PACRG: variants seen among roughly 807,000 people sequenced by gnomAD.
PACRG encodes the protein parkin coregulated.
Under a neutral mutation model 29.7 loss-of-function variants are expected in PACRG, and 29 were observed. That is an observed-to-expected ratio of 0.98 (90% CI 0.73 to 1.33). The LOEUF (loss-of-function observed/expected upper bound fraction) is 1.33, where lower values mean the gene tolerates loss of function less well. PACRG is among the 40% of genes most tolerant of loss of function. The pLI, the probability that PACRG is intolerant of heterozygous loss-of-function variation, is 0.00. For synonymous variants in PACRG, 116 were observed against 118.7 expected (o/e 0.98, Z 0.15); for missense variants, 279 against 316.2 (o/e 0.88, Z 0.89).
At chr6:163,230,491 CT>C (rs1781979438) in intron 4 of PACRG, among the ~76,000 whole-genome samples, 1 of 151,932 alleles carries the variant, frequency 6.6e-6, no homozygotes, top group Non-Finnish European at 1.5e-5. Flanking sequence ...AGAAAATAAA[CT>C]AGTTATCTGG....
intron 4 of PACRG, among the ~76,000 whole-genome samples, chr6:163,099,691 C>T (rs372626662): frequency 8.5e-5 from 13 of 152,270 alleles, no homozygotes; most frequent in African/African-American, 3.1e-4. Flanking sequence ...GTAAGAATGT[C>T]ACCAAGTGTA....
intron 4 of PACRG, among the ~76,000 whole-genome samples, chr6:163,260,389 T>C (rs554439385): frequency 6.6e-6 from 1 of 152,348 alleles, no homozygotes; most frequent in Admixed American, 6.5e-5. Context: ...GGCCAGTTAG[T>C]CTCCCACTCT....
intron 4 of PACRG, among the ~76,000 whole-genome samples, chr6:163,277,509 A>ACACG: frequency 6.8e-6 from 1 of 147,420 alleles, no homozygotes; most frequent in African/African-American, 2.5e-5. Flanking sequence ...ACATACACAC[A>ACACG]CACACACATA....
chr6:163,290,204 C>A (rs1784540446), intron 4 of PACRG, among the ~76,000 whole-genome samples: 1 of 151,962 alleles, frequency 6.6e-6, no homozygotes, highest in Non-Finnish European at 1.5e-5. Context: ...GAAGTCACGG[C>A]CAATCCCCAC....
intron 4 of PACRG, among the ~76,000 whole-genome samples, chr6:163,118,254 G>A (rs1298278306): frequency 6.6e-6 from 1 of 152,136 alleles, no homozygotes; most frequent in East Asian, 1.9e-4. Context: ...CGGATGAACG[G>A]GTTTATGAAT....
At chr6:163,279,073 T>A (rs1042565980) in intron 4 of PACRG, among the ~76,000 whole-genome samples, 24 of 152,204 alleles carry the variant, frequency 1.6e-4, no homozygotes, top group Non-Finnish European at 3.4e-4. Context: ...TATTCCTAAG[T>A]ATTTAGTTTT....
At chr6:162,807,371 T>C (rs1052252167) in intron 1 of PACRG, among the ~76,000 whole-genome samples, 2 of 152,212 alleles carry the variant, frequency 1.3e-5, no homozygotes, top group African/African-American at 4.8e-5. Context: ...GTGTCCAATA[T>C]GCCTTCTTCA....
Position 163,314,876 on chromosome 6 carries a change from TG to T in PACRG, c.667del (p.Asp223ThrfsTer2), listed in dbSNP as rs1305229617. 2.0e-5 allele frequency: 32 copies of T among 1,614,096 alleles called. No individual in the cohort carries two copies. Among genetic ancestry groups the T allele is most frequent in the Non-Finnish European group, 2.6e-5 (31 of 1,180,014 alleles). On this transcript the variant is annotated frameshift_variant, in exon 5 of 5. Coordinates refer to ENST00000366888, the MANE Select transcript of PACRG (RefSeq NM_001080379.2). LOFTEE classifies it high-confidence loss of function. Reference sequence around the variant, plus strand: ...ACAGCCAGCAGAAGAGGGAGAACATTGGGGACTTGATCCAGGAGACACTGGA... The same window carrying T: ...ACAGCCAGCAGAAGAGGGAGAACATTGGGACTTGATCCAGGAGACACTGGA... ...DYSQQKRENI[G>X]DLIQETLEAF...
chr6:162,834,678 A>G (rs1789071444), intron 2 of PACRG, among the ~76,000 whole-genome samples: 1 of 151,866 alleles, frequency 6.6e-6, no homozygotes, highest in South Asian at 2.1e-4. Flanking sequence ...GCATTTTGCC[A>G]AAAATACTCC....
intron 4 of PACRG, among the ~76,000 whole-genome samples, chr6:163,305,087 G>A (rs533470471): frequency 3.1e-4 from 47 of 152,310 alleles, no homozygotes; most frequent in African/African-American, 9.1e-4. Flanking sequence ...TTCATCTTCC[G>A]AGCCCACACT....
At chr6:162,927,730 C>T (rs1797549969) in intron 2 of PACRG, among the ~76,000 whole-genome samples, 1 of 152,018 alleles carries the variant, frequency 6.6e-6, no homozygotes, top group African/African-American at 2.4e-5. Context: ...CAGCAAACCA[C>T]CATGGAGCAT....
At chr6:162,958,884 TAGAGAG>T (rs200270873) in intron 2 of PACRG, among the ~76,000 whole-genome samples, 210 of 20,852 alleles carry the variant, frequency 0.01, no homozygotes, top group Non-Finnish European at 0.014. Flanking sequence ...TATATATATA[TAGAGAG>T]AGAGAGAGAG....
chr6:163,282,268 A>G (rs2128184124), intron 4 of PACRG, among the ~76,000 whole-genome samples: 2 of 152,334 alleles, frequency 1.3e-5, no homozygotes, highest in African/African-American at 4.8e-5. Context: ...CCCACCAAGT[A>G]ATTAGCAGGT....
intron 2 of PACRG, among the ~76,000 whole-genome samples, chr6:162,846,777 G>A (rs1268562070): frequency 1.3e-5 from 2 of 152,154 alleles, no homozygotes; most frequent in Non-Finnish European, 2.9e-5. Flanking sequence ...GGCAATTCCT[G>A]TAGTGCTTCA....
At chr6:162,953,893 A>G (rs187944987) in intron 2 of PACRG, among the ~76,000 whole-genome samples, 60 of 152,342 alleles carry the variant, frequency 3.9e-4, no homozygotes, top group African/African-American at 1.3e-3. Flanking sequence ...GAAAAATACT[A>G]TATGAACTTA....
chr6:162,960,093 A>G (rs1387851551), intron 2 of PACRG, among the ~76,000 whole-genome samples: 2 of 152,164 alleles, frequency 1.3e-5, no homozygotes, highest in Non-Finnish European at 2.9e-5. Flanking sequence ...GTTATTAAAA[A>G]CTCAAAAAAC....
At chr6:163,223,581 G>C (rs958598684) in intron 4 of PACRG, among the ~76,000 whole-genome samples, 6 of 152,138 alleles carry the variant, frequency 3.9e-5, no homozygotes, top group African/African-American at 1.4e-4. Context: ...CGACTCGACT[G>C]TAATGCACAG....
At chr6:162,891,574 C>T (rs1794762740) in intron 2 of PACRG, among the ~76,000 whole-genome samples, 1 of 152,170 alleles carries the variant, frequency 6.6e-6, no homozygotes, top group Non-Finnish European at 1.5e-5. Flanking sequence ...GTGGGCAGAA[C>T]TCAAGGCCAT....
At chr6:163,251,536 T>C (rs1782905418) in intron 4 of PACRG, among the ~76,000 whole-genome samples, 1 of 152,192 alleles carries the variant, frequency 6.6e-6, no homozygotes, top group South Asian at 2.1e-4. Flanking sequence ...TCCTGATTTT[T>C]AGCTAATATT....
Sources: gnomAD v4.1 joint callset for allele counts (sites outside exome capture counted in the v4.1 genomes callset) on GRCh38, gnomAD v4.1.1 for gene constraint, MANE v1.5 for transcripts, NCBI Gene and HGNC (gene_info 2026-07-23, HGNC 2026-07-21) for gene names.